TUT4: variants seen among roughly 807,000 people sequenced by gnomAD.
TUT4 encodes the protein terminal uridylyltransferase 4.
In TUT4, 36 loss-of-function variants were observed where a neutral mutation model predicts 192.2. That is an observed-to-expected ratio of 0.19 (90% CI 0.14 to 0.25). TUT4 has a LOEUF of 0.25. Ranked by LOEUF, TUT4 falls within the 10% of genes least tolerant of loss-of-function variation. The pLI is 1.00. For missense variants in TUT4, 1,493 were observed against 1,957.2 expected (o/e 0.76, Z 4.47); for synonymous variants, 618 against 666.0 (o/e 0.93, Z 1.11).
In TUT4 at chr1:52,545,887, C is replaced by T. The variant is rs192011117; in HGVS notation, c.-94+7044G>A. 8.9e-3 allele frequency among the ~76,000 whole-genome samples: 1,335 copies of T among 149,352 alleles called. 12 individuals are homozygous for T. The highest frequency in any genetic ancestry group is 0.014 in the Non-Finnish European group (964 of 67,740). ...CTGTAATCCCAGCAGTTTGGGAGGC[C>T]GAGGCAGGCACATCACTTGAGCTCA... On this transcript the variant is annotated intron_variant, in intron 1 of 29. Coordinates refer to ENST00000257177, the MANE Select transcript of TUT4 (RefSeq NM_001009881.3).
intron 27 of TUT4, chr1:52,431,955 C>G (rs1217194756): frequency 6.5e-6 from 1 of 152,800 alleles, no homozygotes; most frequent in Non-Finnish European, 1.5e-5. Context: ...ACAGCTGTCC[C>G]TCAGGATATG....
chr1:52,467,816 T>C (rs1664639645), intron 15 of TUT4, among the ~76,000 whole-genome samples: 1 of 152,174 alleles, frequency 6.6e-6, no homozygotes, highest in South Asian at 2.1e-4. Context: ...TCTTGTTCCA[T>C]CAACAATGTT....
At chr1:52,435,518 A>T in intron 26 of TUT4, 53 bp from the exon 27 acceptor site, 22 of 1,350,558 alleles carry the variant, frequency 1.6e-5, no homozygotes, top group Non-Finnish European at 2.3e-5. Context: ...TAGCAGAGAA[A>T]TGACAATAAA....
chr1:52,431,486 T>A (rs528022795), intron 27 of TUT4, 26 bp from the exon 28 acceptor site: 535 of 1,428,638 alleles, frequency 3.7e-4, no homozygotes, highest in African/African-American at 1.9e-3. Context: ...AAATTTTTTT[T>A]AATTAATTTA....
chr1:52,438,362 G>A, intron 24 of TUT4, 27 bp from the exon 25 acceptor site: 1 of 1,528,358 alleles, frequency 6.5e-7, no homozygotes, highest in Non-Finnish European at 9.0e-7. Context: ...ATTTTACTAG[G>A]AGGAATCACT....
intron 14 of TUT4, among the ~76,000 whole-genome samples, chr1:52,470,985 CCAAA>C (rs988943264): frequency 6.6e-6 from 1 of 151,106 alleles, no homozygotes; most frequent in African/African-American, 2.4e-5. Context: ...AATTATTCCC[CCAAA>C]CAAATTATGC....
At chr1:52,463,083 A>G in intron 16 of TUT4, 1 of 983,376 alleles carries the variant, frequency 1.0e-6, no homozygotes, top group East Asian at 1.1e-4. Flanking sequence ...TGCTAATCTT[A>G]AAAGTTTCAA....
chr1:52,486,069 A>G (rs541488667), intron 9 of TUT4, among the ~76,000 whole-genome samples: 2 of 152,308 alleles, frequency 1.3e-5, no homozygotes, highest in South Asian at 2.1e-4. Flanking sequence ...TATCCAAAAT[A>G]TTAAGACAAG....
chr1:52,442,974 C>G (rs895554594), intron 24 of TUT4, among the ~76,000 whole-genome samples: 1 of 152,134 alleles, frequency 6.6e-6, no homozygotes, highest in Non-Finnish European at 1.5e-5. Flanking sequence ...ACCGAGGACT[C>G]TAATTTAGCA....
intron 20 of TUT4, among the ~76,000 whole-genome samples, chr1:52,455,634 G>C (rs1246464714): frequency 2.9e-5 from 4 of 138,840 alleles, no homozygotes; most frequent in East Asian, 4.4e-4. Flanking sequence ...AAAAAAAGAC[G>C]GGGGAGAGGA....
intron 4 of TUT4, among the ~76,000 whole-genome samples, chr1:52,506,376 A>T (rs766192294): frequency 6.6e-6 from 1 of 152,040 alleles, no homozygotes; most frequent in Non-Finnish European, 1.5e-5. Flanking sequence ...AGTTACGTGG[A>T]CCTCATATTC....
chr1:52,423,973 G>A lies in TUT4; in HGVS notation c.4900C>T (p.Arg1634Cys), dbSNP rs145257885. ...DRCATRRCRE[R>C]CPHPPRGNVS... ...TTTCCTCTTGGTGGGTGGGGACAAC[G>A]CTCTCTACACCGACGGGTGGCACAT... Residue 1634 changes from arginine (R) to cysteine (C), a missense_variant, in exon 30 of 30, where the codon CGT (arginine) becomes TGT (cysteine). Arg to Cys is a radical substitution (Grantham distance 180, BLOSUM62 -3). Transcript: ENST00000257177. The A allele has an allele frequency of 3.7e-6, 6 of 1,612,984 alleles. No individual in the cohort carries two copies. The highest frequency in any genetic ancestry group is 5.1e-6 in the Non-Finnish European group (6 of 1,179,512).
chr1:52,516,257 T>C, intron 2 of TUT4, among the ~76,000 whole-genome samples: 1 of 152,156 alleles, frequency 6.6e-6, no homozygotes, highest in South Asian at 2.1e-4. Flanking sequence ...AAAACCTTTA[T>C]GGGTCAAATG....
chr1:52,488,895 T>A lies in TUT4; in HGVS notation c.1515+14A>T, dbSNP rs1295645102. On this transcript the variant is annotated intron_variant, in intron 9 of 29. Coordinates refer to ENST00000257177, the MANE Select transcript of TUT4 (RefSeq NM_001009881.3). ...TAAAAATATAAATAAGTAGTTTTCCTCTCTTTCACTTACCTTAGCCCAGTA... is the reference window on the plus strand; with the variant it reads ...TAAAAATATAAATAAGTAGTTTTCCACTCTTTCACTTACCTTAGCCCAGTA... The A allele has an allele frequency of 6.3e-7, 1 of 1,587,142 alleles. No individual in the cohort carries two copies. Among genetic ancestry groups the A allele is most frequent in the South Asian group, 1.2e-5 (1 of 85,682 alleles).
intron 3 of TUT4, among the ~76,000 whole-genome samples, chr1:52,511,712 T>C (rs1031814044): frequency 3.3e-5 from 5 of 152,164 alleles, no homozygotes; most frequent in Non-Finnish European, 7.4e-5. Context: ...ACAAAAAAGT[T>C]AGCATAACTG....
intron 26 of TUT4, 117 bp from the exon 27 acceptor site, chr1:52,435,582 T>G (rs535052704): frequency 3.8e-6 from 3 of 791,600 alleles, no homozygotes; most frequent in African/African-American, 1.7e-5. Flanking sequence ...TTTTATAAAC[T>G]TGGACTTTTA....
At chr1:52,525,187 G>T (rs1041433027) in intron 2 of TUT4, among the ~76,000 whole-genome samples, 2 of 152,146 alleles carry the variant, frequency 1.3e-5, no homozygotes, top group African/African-American at 4.8e-5. Flanking sequence ...GTAAACAAAT[G>T]CTTGATATAT....
At chr1:52,463,797 A>G (rs1282596880) in intron 16 of TUT4, 8 of 1,304,128 alleles carry the variant, frequency 6.1e-6, no homozygotes, top group Non-Finnish European at 8.1e-6. Flanking sequence ...AAAAAAGGAA[A>G]GCGTAAGTAC....
intron 1 of TUT4, among the ~76,000 whole-genome samples, chr1:52,532,964 A>G (rs1683899822): frequency 6.6e-6 from 1 of 152,210 alleles, no homozygotes. Flanking sequence ...CCCCGCTTCA[A>G]TCATTCAACC....
Sources: allele counts gnomAD v4.1 joint callset (sites outside exome capture counted in the v4.1 genomes callset), GRCh38; gene constraint gnomAD v4.1.1; transcripts MANE v1.5; gene names NCBI Gene and HGNC (gene_info 2026-07-23, HGNC 2026-07-21).